The following HS6ST3 variants were observed in gnomAD, a reference collection of about 807,000 sequenced individuals.
HS6ST3 encodes the protein heparan sulfate 6-O-sulfotransferase 3.
Under a neutral mutation model 36.7 loss-of-function variants are expected in HS6ST3, and 12 were observed. That is an observed-to-expected ratio of 0.33 (90% CI 0.21 to 0.53). The LOEUF is 0.53. Ranked by LOEUF, HS6ST3 falls within the 20% of genes least tolerant of loss-of-function variation. The probability of loss-of-function intolerance (pLI) is 0.95; values close to 1 mark genes in which losing one functional copy is unlikely to be tolerated. For synonymous variants in HS6ST3, 240 were observed against 257.5 expected, an observed-to-expected ratio of 0.93 and a Z score of 0.65; for missense variants, 584 against 640.9, an observed-to-expected ratio of 0.91 and a Z score of 0.96.
chr13:96,304,726 T>TACAGAA (rs1327921964), intron 1 of HS6ST3, among the ~76,000 whole-genome samples: 1 of 140,156 alleles, frequency 7.1e-6, no homozygotes, highest in East Asian at 2.0e-4. Context: ...TTTTTTTTTT[T>TACAGAA]TTTTTACAGA....
intron 1 of HS6ST3, among the ~76,000 whole-genome samples, chr13:96,104,987 G>T (rs1474205556): frequency 1.3e-5 from 2 of 150,052 alleles, no homozygotes; most frequent in Non-Finnish European, 3.0e-5. Flanking sequence ...AGATTGGAAA[G>T]GACACAATAA....
chr13:96,355,608 C>T (rs2055206598), intron 1 of HS6ST3, among the ~76,000 whole-genome samples: 1 of 150,006 alleles, frequency 6.7e-6, no homozygotes, highest in African/African-American at 2.5e-5. Flanking sequence ...TATTTTTTAA[C>T]TATTTTAATG....
At chr13:96,135,261 G>T (rs768122062) in intron 1 of HS6ST3, among the ~76,000 whole-genome samples, 1 of 152,118 alleles carries the variant, frequency 6.6e-6, no homozygotes, top group Non-Finnish European at 1.5e-5. Flanking sequence ...CCAGGAACAC[G>T]TGGGCTGCAG....
At chr13:96,190,166 G>A (rs950350321) in intron 1 of HS6ST3, among the ~76,000 whole-genome samples, 3 of 152,150 alleles carry the variant, frequency 2.0e-5, no homozygotes, top group Admixed American at 6.5e-5. Context: ...AAGTGACTAC[G>A]ACATATCCAT....
chr13:96,173,325 T>G (rs1188465526), intron 1 of HS6ST3, among the ~76,000 whole-genome samples: 2 of 152,128 alleles, frequency 1.3e-5, no homozygotes, highest in East Asian at 3.9e-4. Context: ...TTCCTAGGAT[T>G]CAAGTTGCCC....
intron 1 of HS6ST3, among the ~76,000 whole-genome samples, chr13:96,544,791 G>A (rs1424713170): frequency 6.6e-6 from 1 of 152,090 alleles, no homozygotes; most frequent in African/African-American, 2.4e-5. Flanking sequence ...CATGGTGAGT[G>A]GTAAATTACT....
At chr13:96,124,362 C>T (rs1051652587) in intron 1 of HS6ST3, among the ~76,000 whole-genome samples, 11 of 152,160 alleles carry the variant, frequency 7.2e-5, no homozygotes, top group African/African-American at 1.2e-4. Context: ...TGGACAAAAT[C>T]ATTTAGCCAT....
At chr13:96,742,283 T>A (rs1456931267) in intron 1 of HS6ST3, among the ~76,000 whole-genome samples, 1 of 151,510 alleles carries the variant, frequency 6.6e-6, no homozygotes, top group Non-Finnish European at 1.5e-5. Context: ...GCAGAAAAAA[T>A]AGGAACAATA....
At chr13:96,193,040 G>A (rs1425276324) in intron 1 of HS6ST3, among the ~76,000 whole-genome samples, 2 of 152,138 alleles carry the variant, frequency 1.3e-5, no homozygotes, top group Non-Finnish European at 2.9e-5. Flanking sequence ...GAGCTGCCAA[G>A]TCCATGACTT....
chr13:96,247,981 G>C (rs1024991101), intron 1 of HS6ST3, among the ~76,000 whole-genome samples: 1 of 152,156 alleles, frequency 6.6e-6, no homozygotes, highest in Non-Finnish European at 1.5e-5. Flanking sequence ...CTTAGACACA[G>C]AATTCAAAAT....
chr13:96,512,199 C>G (rs1034091269), intron 1 of HS6ST3, among the ~76,000 whole-genome samples: 14 of 152,136 alleles, frequency 9.2e-5, no homozygotes, highest in African/African-American at 3.4e-4. Context: ...CAGTCTGGTG[C>G]TGGGGAATGT....
chr13:96,567,816 A>G (rs1310260971), intron 1 of HS6ST3, among the ~76,000 whole-genome samples: 1 of 152,242 alleles, frequency 6.6e-6, no homozygotes, highest in East Asian at 1.9e-4. Flanking sequence ...ACCAGAACAA[A>G]TGAGCATTTC....
chr13:96,147,690 G>C lies in HS6ST3; in HGVS notation c.707+56121G>C, dbSNP rs186801312. ...CTGTGATGGGATGAGATGGTGTCCTGTCCAGGGCTGGTTCCCACCTTGCAC... is the reference window on the plus strand; with the variant it reads ...CTGTGATGGGATGAGATGGTGTCCTCTCCAGGGCTGGTTCCCACCTTGCAC... On this transcript the variant is annotated intron_variant, in intron 1 of 1. Transcript: ENST00000376705. Among the ~76,000 whole-genome samples the C allele has an allele frequency of 1.7e-3, 255 of 152,308 alleles. 3 individuals carry two copies. The highest frequency in any genetic ancestry group is 2.8e-4 in the Non-Finnish European group (19 of 68,030).
intron 1 of HS6ST3, among the ~76,000 whole-genome samples, chr13:96,410,763 A>G (rs879830026): frequency 1.1e-4 from 17 of 152,216 alleles, no homozygotes; most frequent in Non-Finnish European, 2.4e-4. Flanking sequence ...AGAGAATATC[A>G]CTTTGTCAAA....
At chr13:96,734,019 A>G (rs1470502022) in intron 1 of HS6ST3, among the ~76,000 whole-genome samples, 1 of 152,188 alleles carries the variant, frequency 6.6e-6, no homozygotes, top group African/African-American at 2.4e-5. Flanking sequence ...TTAGCTTTTT[A>G]AACATGCACA....
chr13:96,568,891 G>A (rs1382209199), intron 1 of HS6ST3, among the ~76,000 whole-genome samples: 1 of 152,142 alleles, frequency 6.6e-6, no homozygotes, highest in African/African-American at 2.4e-5. Context: ...GCTAAGTGTG[G>A]CCTGTGATAA....
intron 1 of HS6ST3, among the ~76,000 whole-genome samples, chr13:96,514,297 G>A (rs981374583): frequency 1.3e-5 from 2 of 152,188 alleles, no homozygotes; most frequent in Non-Finnish European, 2.9e-5. Context: ...GCAGCCAGCA[G>A]GATTTGGTGA....
At chr13:96,649,994 C>T (rs1566420533) in intron 1 of HS6ST3, among the ~76,000 whole-genome samples, 2 of 151,824 alleles carry the variant, frequency 1.3e-5, no homozygotes, top group Non-Finnish European at 2.9e-5. Flanking sequence ...TTCTTTCTGA[C>T]CAGGATGCTC....
chr13:96,403,254 TG>T (rs1469543562), intron 1 of HS6ST3, among the ~76,000 whole-genome samples: 3 of 152,250 alleles, frequency 2.0e-5, no homozygotes, highest in Admixed American at 6.5e-5. Flanking sequence ...ATTATTTTTA[TG>T]TGACTTGAGT....
Sources: gnomAD v4.1 joint callset for allele counts (sites outside exome capture counted in the v4.1 genomes callset) on GRCh38, gnomAD v4.1.1 for gene constraint, MANE v1.5 for transcripts, NCBI Gene and HGNC (gene_info 2026-07-23, HGNC 2026-07-21) for gene names.